MMS19: variants seen among roughly 807,000 people sequenced by gnomAD.
MMS19 encodes the protein MMS19 nucleotide excision repair protein homolog.
A neutral mutation model predicts 129.8 loss-of-function variants in MMS19; 77 were observed. That is an observed-to-expected ratio of 0.59 (90% CI 0.49 to 0.72). The LOEUF (loss-of-function observed/expected upper bound fraction) is 0.72, where lower values mean the gene tolerates loss of function less well. MMS19 is among the 30% of genes least tolerant of loss of function. The probability of loss-of-function intolerance (pLI) is 0.00; values close to 1 mark genes in which losing one functional copy is unlikely to be tolerated. For synonymous variants in MMS19, 491 were observed against 502.8 expected, an observed-to-expected ratio of 0.98 and a Z score of 0.31; for missense variants, 1,168 against 1,266.3, an observed-to-expected ratio of 0.92 and a Z score of 1.18.
intron 1 of MMS19, among the ~76,000 whole-genome samples, chr10:97,488,404 T>C (rs189730903): frequency 6.6e-6 from 1 of 152,306 alleles, no homozygotes; most frequent in African/African-American, 2.4e-5. Flanking sequence ...CAGGTACATA[T>C]AGGCTTTAAC....
At chr10:97,488,525 C>A (rs181755282) in intron 1 of MMS19, among the ~76,000 whole-genome samples, 3 of 152,292 alleles carry the variant, frequency 2.0e-5, no homozygotes, top group Admixed American at 6.5e-5. Context: ...ATGCTCAAGA[C>A]CCTTATATAA....
chr10:97,478,016 C>G (rs1293361524), intron 4 of MMS19, 87 bp from the exon 5 acceptor site: 4 of 820,870 alleles, frequency 4.9e-6, no homozygotes, highest in Non-Finnish European at 7.7e-6. Context: ...TAATTAGCTA[C>G]TGTAAGAATC....
At chr10:97,481,065 G>A in intron 2 of MMS19, 23 bp from the exon 3 acceptor site, 1 of 1,379,752 alleles carries the variant, frequency 7.2e-7, no homozygotes, top group Non-Finnish European at 1.0e-6. Flanking sequence ...AGGATAGAGA[G>A]AACCTGCAAT....
At chr10:97,492,286 C>T (rs1174665565) in intron 1 of MMS19, among the ~76,000 whole-genome samples, 2 of 151,106 alleles carry the variant, frequency 1.3e-5, no homozygotes, top group African/African-American at 4.9e-5. Context: ...CTGGTTAACA[C>T]AGTGAAACCC....
intron 3 of MMS19, chr10:97,480,323 C>T (rs2036555776): frequency 6.5e-6 from 3 of 459,770 alleles, no homozygotes; most frequent in Non-Finnish European, 1.3e-5. Flanking sequence ...GCTTCTTCCT[C>T]CTCCCTTCCT....
chr10:97,461,406 G>C, intron 23 of MMS19, 90 bp downstream of exon 23: 3 of 1,454,238 alleles, frequency 2.1e-6, no homozygotes, highest in South Asian at 2.5e-5. Context: ...TTATTAGCAA[G>C]CTCCTTTTAA....
intron 8 of MMS19, among the ~76,000 whole-genome samples, chr10:97,476,086 G>A (rs192191901): frequency 2.5e-4 from 38 of 152,276 alleles, no homozygotes; most frequent in Non-Finnish European, 4.1e-4. Context: ...ACACCCACAC[G>A]GTGATGAAAC....
Position 97,497,560 on chromosome 10 carries a change from C to T in MMS19, c.112+713G>A, listed in dbSNP as rs1273669464. ...CCTAGAAGAGCAAAGTCTCAGAACT[C>T]CACGGAAGCCTGGAAATCGTTTTAT... On this transcript the variant is annotated intron_variant, in intron 1 of 30. Transcript: ENST00000438925. Among the ~76,000 whole-genome samples the T allele has an allele frequency of 4.0e-5, 6 of 151,600 alleles. No individual in the cohort carries two copies. The East Asian group carries it at 1.2e-3, about 29-fold the overall frequency.
At chr10:97,467,628 G>C in intron 13 of MMS19, 45 bp from the exon 14 acceptor site, 1 of 1,570,244 alleles carries the variant, frequency 6.4e-7, no homozygotes, top group Non-Finnish European at 8.8e-7. Context: ...TATTTTAAAG[G>C]ATTTCAATCC....
intron 8 of MMS19, among the ~76,000 whole-genome samples, chr10:97,474,895 A>G (rs939632512): frequency 6.6e-6 from 1 of 152,230 alleles, no homozygotes; most frequent in African/African-American, 2.4e-5. Context: ...ATGCTGAATC[A>G]TGCTCATTGT....
At chr10:97,469,129 A>G in intron 11 of MMS19, 25 bp from the exon 12 acceptor site, 1 of 1,556,988 alleles carries the variant, frequency 6.4e-7, no homozygotes. Context: ...TCCCATGGCT[A>G]CTGAGGTGAG....
intron 6 of MMS19, 141 bp downstream of exon 6, chr10:97,477,206 G>A (rs376774018): frequency 2.0e-6 from 3 of 1,513,012 alleles, no homozygotes; most frequent in South Asian, 2.7e-5. Flanking sequence ...CTGGGAGGGA[G>A]CAGACCCCCT....
upstream of MMS19, chr10:97,498,572 A>G (rs2040244515): frequency 3.0e-6 from 2 of 662,872 alleles, no homozygotes; most frequent in Non-Finnish European, 4.8e-6. Context: ...TGGCACCGAG[A>G]GGGAAGGCGG....
chr10:97,459,315 C>G, intron 28 of MMS19, 33 bp from the exon 29 acceptor site: 1 of 1,612,234 alleles, frequency 6.2e-7, no homozygotes, highest in Non-Finnish European at 8.5e-7. Flanking sequence ...TGAGAGCATG[C>G]CCAGGGAGAG....
intron 3 of MMS19, 136 bp downstream of exon 3, chr10:97,480,806 G>A: frequency 4.3e-6 from 3 of 693,396 alleles, no homozygotes; most frequent in Non-Finnish European, 7.9e-6. Flanking sequence ...ATATACCAGT[G>A]AGGAATGAAG....
rs756945973 is a variant in MMS19, at chr10:97,459,267, C to T, written c.2920G>A (p.Ala974Thr). ...SSPSMAVRIA[A>T]LQCMHALTRL... ...GTGAGAGCATGCATGCACTGCAGTG[C>T]GGCGATCCGGACAGCCTGGAACACA... The change falls in exon 29 of 31, where the codon GCA becomes ACA. Residue 974 changes from alanine to threonine, a missense_variant. Physicochemically the swap from Ala to Thr is moderately conservative, Grantham distance 58 (BLOSUM62 0). Transcript: ENST00000438925. The T allele has an allele frequency of 8.7e-6, 14 of 1,612,948 alleles. No individual in the cohort carries two copies. The highest frequency in any genetic ancestry group is 3.3e-5 in the Admixed American group (2 of 59,936).
At chr10:97,460,635 T>A in intron 25 of MMS19, 60 bp downstream of exon 25, 1 of 1,393,418 alleles carries the variant, frequency 7.2e-7, no homozygotes, top group South Asian at 1.2e-5. Flanking sequence ...TTGGGAGGAA[T>A]AGGAGCAACC....
chr10:97,491,070 A>G (rs2038786614), intron 1 of MMS19, among the ~76,000 whole-genome samples: 1 of 152,226 alleles, frequency 6.6e-6, no homozygotes, highest in East Asian at 1.9e-4. Context: ...GGGAAGGTAG[A>G]AAAGGGTACT....
intron 12 of MMS19, among the ~76,000 whole-genome samples, chr10:97,468,647 C>T (rs1178287939): frequency 1.3e-5 from 2 of 152,048 alleles, no homozygotes; most frequent in African/African-American, 2.4e-5. Flanking sequence ...GAGTTTTGCT[C>T]TCGTTGCCCA....
Sources: allele counts gnomAD v4.1 joint callset (sites outside exome capture counted in the v4.1 genomes callset), GRCh38; gene constraint gnomAD v4.1.1; transcripts MANE v1.5; gene names NCBI Gene and HGNC (gene_info 2026-07-23, HGNC 2026-07-21).